TMLHE: variants seen among roughly 807,000 people sequenced by gnomAD.
TMLHE encodes the protein trimethyllysine dioxygenase, mitochondrial.
In TMLHE, 18 loss-of-function variants were observed where a neutral mutation model predicts 25.7. The ratio of observed to expected loss-of-function variants is 0.70; its 90% CI spans 0.48 to 1.04. The LOEUF is 1.04. Ranked by LOEUF, TMLHE falls within the 50% of genes least tolerant of loss-of-function variation. The pLI is 0.00. For missense variants in TMLHE, 236 were observed against 259.0 expected, an observed-to-expected ratio of 0.91 and a Z score of 0.61; for synonymous variants, 105 against 97.0, an observed-to-expected ratio of 1.08 and a Z score of -0.49.
At chrX:155,548,007 A>C (rs958624008) in intron 1 of TMLHE, among the ~76,000 whole-genome samples, 1 of 111,659 alleles carries the variant, frequency 9.0e-6, no homozygotes, top group Non-Finnish European at 1.9e-5. Flanking sequence ...TACCAGTTTC[A>C]ATTTTTAGAA....
intron 6 of TMLHE, among the ~76,000 whole-genome samples, chrX:155,504,625 G>T (rs782705921): frequency 6.7e-4 from 75 of 111,373 alleles, no homozygotes; most frequent in African/African-American, 2.0e-3. Flanking sequence ...ACTTGTTGCA[G>T]TTATTTATGA....
intron 3 of TMLHE, among the ~76,000 whole-genome samples, chrX:155,515,323 A>C (rs782505620): frequency 9.0e-6 from 1 of 111,032 alleles, no homozygotes; most frequent in South Asian, 3.7e-4. Flanking sequence ...ACCTTCATTA[A>C]AATTAATTTT....
At position 155,569,572 on chromosome X, in the gene TMLHE, G is replaced by A. The variant is rs2067534305; in HGVS notation, c.-1-24295C>T. ...GTTGAAATGAAGGAAAAAATGTTAA[G>A]GGCAGCCAGAGAGAAAGGTTGGGTT... On this transcript the variant is annotated intron_variant, in intron 1 of 7. Coordinates refer to ENST00000334398, the MANE Select transcript of TMLHE (RefSeq NM_018196.4). 3.6e-5 allele frequency among the ~76,000 whole-genome samples: 2 copies of A among 56,167 alleles called. 1 individual carries two copies. Among genetic ancestry groups the A allele is most frequent in the Admixed American group, 4.1e-4 (2 of 4,869 alleles). 48.8% of individuals were successfully genotyped at this position (56,167 alleles called of 115,157 possible).
intron 2 of TMLHE, among the ~76,000 whole-genome samples, chrX:155,538,580 T>C (rs1358358784): frequency 2.7e-5 from 3 of 111,619 alleles, no homozygotes; most frequent in Non-Finnish European, 5.7e-5. Flanking sequence ...CTTCACACTT[T>C]CAACTGATGA....
At chrX:155,531,977 CAA>C (rs1557337095) in intron 2 of TMLHE, among the ~76,000 whole-genome samples, 1 of 111,680 alleles carries the variant, frequency 9.0e-6, no homozygotes, top group Non-Finnish European at 1.9e-5. Context: ...AAAATAAAAA[CAA>C]GAAGTAAAAA....
intron 4 of TMLHE, 76 bp from the exon 5 acceptor site, chrX:155,511,868 C>A (rs2067115655): frequency 1.0e-6 from 1 of 998,518 alleles, no homozygotes; most frequent in Non-Finnish European, 1.3e-6. Flanking sequence ...CCTTCCAATA[C>A]CTTCTTTAGT....
chrX:155,514,720 A>T (rs1483549621), intron 3 of TMLHE, among the ~76,000 whole-genome samples: 2 of 111,286 alleles, frequency 1.8e-5, no homozygotes, highest in African/African-American at 6.5e-5. Context: ...ACTCAAGATC[A>T]CACAACTAAG....
chrX:155,573,945 G>C (rs2067573875), intron 1 of TMLHE, among the ~76,000 whole-genome samples: 1 of 101,196 alleles, frequency 9.9e-6, no homozygotes, highest in African/African-American at 3.8e-5. Flanking sequence ...TAACAAATCT[G>C]CACATTGTGC....
intron 1 of TMLHE, among the ~76,000 whole-genome samples, chrX:155,557,826 TC>T (rs1161073440): frequency 2.7e-5 from 3 of 110,980 alleles, no homozygotes; most frequent in East Asian, 2.8e-4. Flanking sequence ...AAAAAAGTTT[TC>T]CCCCCAGTCA....
chrX:155,594,266 A>G (rs1031670298), intron 1 of TMLHE, among the ~76,000 whole-genome samples: 1 of 112,534 alleles, frequency 8.9e-6, no homozygotes, highest in Non-Finnish European at 1.9e-5. Context: ...GAAACTCTGC[A>G]GGTCAGGAGA....
chrX:155,528,163 G>T (rs1459664312), intron 2 of TMLHE, among the ~76,000 whole-genome samples: 1 of 110,252 alleles, frequency 9.1e-6, no homozygotes, highest in Non-Finnish European at 1.9e-5. Context: ...GGGGAAAAAT[G>T]CATACTTGCA....
At chrX:155,535,190 G>A (rs143284608) in intron 2 of TMLHE, among the ~76,000 whole-genome samples, 1 of 112,223 alleles carries the variant, frequency 8.9e-6, no homozygotes, top group African/African-American at 3.2e-5. Context: ...AGACAACCAT[G>A]GGACAGAGAT....
At position 155,570,341 on chromosome X, in the gene TMLHE, C is replaced by A. The variant is rs1206853850; in HGVS notation, c.-1-25064G>T. Among the ~76,000 whole-genome samples the A allele has an allele frequency of 1.7e-4, 9 of 54,021 alleles. 2 individuals carry two copies. The highest frequency in any genetic ancestry group is 4.0e-4 in the African/African-American group (9 of 22,492). 46.9% of individuals were successfully genotyped at this position (54,021 alleles called of 115,157 possible). ...AGCACCCAGATTCATAAAGCAAGTC[C>A]TGAGTGACCTACAAAGAGACTTAGA... On this transcript the variant is annotated intron_variant, in intron 1 of 7. Transcript: ENST00000334398.
chrX:155,522,522 G>A lies in TMLHE; in HGVS notation c.358+1934C>T, dbSNP rs1010797336. On this transcript the variant is annotated intron_variant, in intron 3 of 7. Transcript: ENST00000334398. ...AGATACTCAACCATATGACTCCTTC[G>A]TGTTACCCTTTTACAGCTACATCCG... is the stretch of plus-strand genomic sequence containing the variant. Among the ~76,000 whole-genome samples the A allele has an allele frequency of 2.0e-4, 22 of 111,826 alleles. 1 individual carries two copies. Among genetic ancestry groups the A allele is most frequent in the Admixed American group, 1.4e-3 (15 of 10,576 alleles).
At chrX:155,590,347 G>T (rs1250300962) in intron 1 of TMLHE, among the ~76,000 whole-genome samples, 1 of 111,822 alleles carries the variant, frequency 8.9e-6, no homozygotes, top group Non-Finnish European at 1.9e-5. Flanking sequence ...GCAAGAAAAT[G>T]ATGCCATTGA....
chrX:155,548,699 C>T (rs1048349720), intron 1 of TMLHE, among the ~76,000 whole-genome samples: 4 of 107,005 alleles, frequency 3.7e-5, no homozygotes, highest in East Asian at 3.0e-4. Flanking sequence ...TGTGCCACTG[C>T]ACTCCAGCCT....
chrX:155,611,788 G>A lies in TMLHE; in HGVS notation c.-2+1004C>T, dbSNP rs138293555. ...GTTCCTTAATGAGGAGAAACCAGAAGTTGACACCAAAATGTTGATCCATAA... is the reference window on the plus strand; with the variant it reads ...GTTCCTTAATGAGGAGAAACCAGAAATTGACACCAAAATGTTGATCCATAA... On this transcript the variant is annotated intron_variant, in intron 1 of 7. Transcript: ENST00000334398. 6.9e-3 allele frequency among the ~76,000 whole-genome samples: 774 copies of A among 111,845 alleles called. 6 individuals are homozygous for A. The highest frequency in any genetic ancestry group is 0.024 in the African/African-American group (735 of 30,734).
intron 1 of TMLHE, among the ~76,000 whole-genome samples, chrX:155,578,052 C>T (rs1213802890): frequency 2.7e-5 from 3 of 111,898 alleles, no homozygotes; most frequent in Non-Finnish European, 5.6e-5. Context: ...CCACTGCCAC[C>T]ATCAGGCCCA....
intron 2 of TMLHE, among the ~76,000 whole-genome samples, chrX:155,533,496 C>T (rs1268759062): frequency 2.7e-5 from 3 of 110,956 alleles, no homozygotes; most frequent in African/African-American, 9.9e-5. Flanking sequence ...TAACAAATAC[C>T]TAAAATTGTG....
Sources: gnomAD v4.1 joint callset for allele counts (sites outside exome capture counted in the v4.1 genomes callset) on GRCh38, gnomAD v4.1.1 for gene constraint, MANE v1.5 for transcripts, NCBI Gene and HGNC (gene_info 2026-07-23, HGNC 2026-07-21) for gene names.